The following HIBADH variants were observed in gnomAD, a reference collection of about 807,000 sequenced individuals.
HIBADH encodes 3-hydroxyisobutyrate dehydrogenase, also known as 3-hydroxyisobutyrate dehydrogenase, mitochondrial.
HIBADH carries 25 observed loss-of-function variants against 36.1 expected under a neutral mutation model. That is an observed-to-expected ratio of 0.69 (90% CI 0.50 to 0.97). HIBADH has a LOEUF of 0.97. HIBADH is among the 50% of genes least tolerant of loss of function. The pLI is 0.00. For missense variants in HIBADH, 421 were observed against 418.0 expected (o/e 1.01, Z -0.06); for synonymous variants, 160 against 149.5 (o/e 1.07, Z -0.51).
chr7:27,580,007 C>A (rs1203609068), intron 4 of HIBADH, among the ~76,000 whole-genome samples: 1 of 151,860 alleles, frequency 6.6e-6, no homozygotes, highest in Non-Finnish European at 1.5e-5. Flanking sequence ...ACATGAGAGT[C>A]TGTTTGAACA....
intron 2 of HIBADH, 38 bp from the exon 3 acceptor site, chr7:27,632,483 A>C (rs984023616): frequency 2.9e-6 from 4 of 1,390,382 alleles, no homozygotes; most frequent in Admixed American, 3.4e-5. Flanking sequence ...ATTTAAATTA[A>C]AATGTAAGCA....
intron 1 of HIBADH, among the ~76,000 whole-genome samples, chr7:27,653,097 C>A (rs1221143405): frequency 1.3e-5 from 2 of 152,044 alleles, no homozygotes; most frequent in Non-Finnish European, 2.9e-5. Context: ...CCACTGCACT[C>A]CAGCCTGGGT....
At chr7:27,557,723 T>C (rs1273716616) in intron 4 of HIBADH, among the ~76,000 whole-genome samples, 1 of 152,110 alleles carries the variant, frequency 6.6e-6, no homozygotes, top group Middle Eastern at 3.2e-3. Context: ...GGGGGCCTAA[T>C]CCCATTCAGG....
intron 6 of HIBADH, among the ~76,000 whole-genome samples, chr7:27,536,998 T>C (rs1309280914): frequency 6.6e-6 from 1 of 152,214 alleles, no homozygotes; most frequent in Non-Finnish European, 1.5e-5. Flanking sequence ...GCCATTTATG[T>C]TCCAGAAATG....
In HIBADH at chr7:27,632,363, GCTT is replaced by G. The variant is rs1562652362; in HGVS notation, c.332_334del (p.Glu111del). The G allele has an allele frequency of 4.3e-6, 7 of 1,611,206 alleles. No homozygotes were observed. Among genetic ancestry groups the G allele is most frequent in the Admixed American group, 1.7e-5 (1 of 59,978 alleles). ...TAGAATCCCATTTGCTCCGGAATAAGCTTCTATTGCATTGATACTGGTGGGCAG... is the reference window on the plus strand; with the variant it reads ...TAGAATCCCATTTGCTCCGGAATAAGCTATTGCATTGATACTGGTGGGCAG... On this transcript the variant is annotated inframe_deletion, in exon 3 of 8. Transcript: ENST00000265395.
chr7:27,642,603 A>G (rs1785978626), intron 2 of HIBADH, among the ~76,000 whole-genome samples: 1 of 151,308 alleles, frequency 6.6e-6, no homozygotes, highest in Non-Finnish European at 1.5e-5. Flanking sequence ...TAATCTGGAT[A>G]AATCCTACTT....
intron 2 of HIBADH, among the ~76,000 whole-genome samples, chr7:27,647,997 CCT>C (rs1441989969): frequency 6.6e-6 from 1 of 152,192 alleles, no homozygotes; most frequent in Non-Finnish European, 1.5e-5. Context: ...GAAGATATTT[CCT>C]CTGTTTAGAG....
At position 27,531,398 on chromosome 7, in the gene HIBADH, G is replaced by A. The variant is rs766079807; in HGVS notation, c.696-50C>T. 1.1e-5 allele frequency: 16 copies of A among 1,509,010 alleles called. No homozygotes were observed. The Admixed American group carries it at 1.3e-4, about 13-fold the overall frequency. The allele number at this position is 1,509,010 out of a possible 1,614,324, so 93.5% of individuals were successfully genotyped here. A position where few individuals can be genotyped will look rare whatever the true frequency, so the allele number is the denominator to read the frequency against. ...TGTTAAGTGTCAAAATGTACACGTC[G>A]TGCGTGACTTATTTATGTATGGGGA... On this transcript the variant is annotated intron_variant, in intron 6 of 7. Coordinates refer to ENST00000265395, the MANE Select transcript of HIBADH (RefSeq NM_152740.4).
At chr7:27,662,668 G>C (rs930497131) in intron 1 of HIBADH, 30 bp downstream of exon 1, 1 of 1,261,822 alleles carries the variant, frequency 7.9e-7, no homozygotes, top group Non-Finnish European at 1.0e-6. Flanking sequence ...CCGAAAGAAG[G>C]ACAAGGGGGA....
intron 4 of HIBADH, among the ~76,000 whole-genome samples, chr7:27,575,359 G>C (rs533925699): frequency 6.6e-6 from 1 of 152,330 alleles, no homozygotes; most frequent in South Asian, 2.1e-4. Context: ...AAATATTTAA[G>C]AATTAGTGAA....
chr7:27,563,252 T>G (rs1784493653), intron 4 of HIBADH, among the ~76,000 whole-genome samples: 1 of 152,230 alleles, frequency 6.6e-6, no homozygotes, highest in Non-Finnish European at 1.5e-5. Context: ...CCCTTTATAT[T>G]GCTGAGTAAT....
chr7:27,646,497 C>G (rs753957367), intron 2 of HIBADH, among the ~76,000 whole-genome samples: 2 of 151,998 alleles, frequency 1.3e-5, no homozygotes, highest in Non-Finnish European at 2.9e-5. Context: ...AAATCCTATA[C>G]AGACTATGTT....
intron 4 of HIBADH, among the ~76,000 whole-genome samples, chr7:27,589,253 T>TA (rs1449519072): frequency 1.3e-5 from 2 of 152,210 alleles, no homozygotes; most frequent in Non-Finnish European, 1.5e-5. Context: ...AAAATGCTTA[T>TA]ATTTGAATTA....
chr7:27,593,056 T>C (rs1287080538), intron 4 of HIBADH, among the ~76,000 whole-genome samples: 2 of 152,080 alleles, frequency 1.3e-5, no homozygotes, highest in Non-Finnish European at 2.9e-5. Context: ...AAATCCACCT[T>C]AGGTAAATAC....
chr7:27,629,728 C>T (rs1044756869), intron 3 of HIBADH, among the ~76,000 whole-genome samples: 4 of 151,922 alleles, frequency 2.6e-5, no homozygotes, highest in African/African-American at 9.7e-5. Flanking sequence ...CTAATAAAAC[C>T]TAATATACTA....
At chr7:27,551,970 G>A (rs1288466389) in intron 4 of HIBADH, among the ~76,000 whole-genome samples, 1 of 152,160 alleles carries the variant, frequency 6.6e-6, no homozygotes, top group African/African-American at 2.4e-5. Context: ...GACCATTTAC[G>A]ACTTGCTATG....
intron 4 of HIBADH, among the ~76,000 whole-genome samples, chr7:27,579,218 A>G (rs1784756671): frequency 1.3e-5 from 2 of 152,224 alleles, no homozygotes; most frequent in Admixed American, 1.3e-4. Context: ...GTGTGATAGT[A>G]GTTTTGGAGT....
intron 4 of HIBADH, among the ~76,000 whole-genome samples, chr7:27,591,642 T>A (rs1019257244): frequency 6.6e-6 from 1 of 152,220 alleles, no homozygotes; most frequent in Admixed American, 6.5e-5. Flanking sequence ...TGTTTAACTT[T>A]CATTATTTTA....
At chr7:27,618,416 A>ACCAGTATCGCAGCCACC (rs1785472385) in intron 4 of HIBADH, among the ~76,000 whole-genome samples, 2 of 152,212 alleles carry the variant, frequency 1.3e-5, no homozygotes, top group African/African-American at 4.8e-5. Context: ...TTGCAGCCAC[A>ACCAGTATCGCAGCCACC]ACCAGTATCG....
Sources: allele counts gnomAD v4.1 joint callset (sites outside exome capture counted in the v4.1 genomes callset), GRCh38; gene constraint gnomAD v4.1.1; transcripts MANE v1.5; gene names NCBI Gene and HGNC (gene_info 2026-07-23, HGNC 2026-07-21).